ARHGEF26: variants seen among roughly 807,000 people sequenced by gnomAD.
ARHGEF26 encodes the protein Rho guanine nucleotide exchange factor 26, also known as Rho guanine nucleotide exchange factor (GEF) 26.
A neutral mutation model predicts 89.4 loss-of-function variants in ARHGEF26; 59 were observed. That is an observed-to-expected ratio of 0.66 (90% CI 0.54 to 0.82). ARHGEF26 has a LOEUF of 0.82. Ranked by LOEUF, ARHGEF26 falls within the 40% of genes least tolerant of loss-of-function variation. ARHGEF26 has a pLI of 0.00. For missense variants in ARHGEF26, 1,234 were observed against 1,085.6 expected, an observed-to-expected ratio of 1.14 and a Z score of -1.92; for synonymous variants, 500 against 428.4, an observed-to-expected ratio of 1.17 and a Z score of -2.06.
At chr3:154,233,574 T>G (rs1559916793) in intron 11 of ARHGEF26, among the ~76,000 whole-genome samples, 1 of 152,232 alleles carries the variant, frequency 6.6e-6, no homozygotes, top group African/African-American at 2.4e-5. Flanking sequence ...TCAGAGCCAT[T>G]AAATTCCTCA....
At chr3:154,246,047 A>C (rs1417849341) in intron 12 of ARHGEF26, among the ~76,000 whole-genome samples, 2 of 152,124 alleles carry the variant, frequency 1.3e-5, no homozygotes, top group Non-Finnish European at 2.9e-5. Context: ...AAAATAAAGG[A>C]TCATTTCAGG....
At chr3:154,223,953 C>T (rs1716302127) in intron 10 of ARHGEF26, among the ~76,000 whole-genome samples, 1 of 139,166 alleles carries the variant, frequency 7.2e-6, no homozygotes, top group South Asian at 2.4e-4. Context: ...CCAAGGCTAG[C>T]TTTCTAGGAT....
chr3:154,123,067 A>G lies in ARHGEF26; in HGVS notation c.1075A>G (p.Arg359Gly). The G allele has an allele frequency of 1.2e-6, 2 of 1,613,824 alleles. No individual in the cohort carries two copies. Among genetic ancestry groups the G allele is most frequent in the Non-Finnish European group, 1.7e-6 (2 of 1,179,804 alleles). Residue 359 changes from arginine (R) to glycine (G), a missense_variant, in exon 2 of 15, where the codon AGG becomes GGG. Arg to Gly is a moderately radical substitution (Grantham distance 125). Coordinates refer to ENST00000465093, the MANE Select transcript of ARHGEF26 (RefSeq NM_015595.4). ...EDKEKFSSLG[R>G]IKKKMLKGQG... Reference sequence around the variant, plus strand: ...CAAGGAGAAGTTTTCCAGTCTGGGAAGGATAAAGGTAAAAGTGGGCAGGAG... The same window carrying G: ...CAAGGAGAAGTTTTCCAGTCTGGGAGGGATAAAGGTAAAAGTGGGCAGGAG...
intron 11 of ARHGEF26, 137 bp downstream of exon 11, chr3:154,226,147 T>A: frequency 1.4e-6 from 1 of 732,940 alleles, no homozygotes; most frequent in Non-Finnish European, 2.1e-6. Context: ...CATAATTGCA[T>A]CTATGGTTCA....
intron 4 of ARHGEF26, among the ~76,000 whole-genome samples, chr3:154,148,749 T>G (rs1367818791): frequency 6.6e-6 from 1 of 152,166 alleles, no homozygotes; most frequent in Non-Finnish European, 1.5e-5. Flanking sequence ...CTCTGAAGGG[T>G]TACATTCTTC....
Position 154,254,714 on chromosome 3 carries a change from C to T in ARHGEF26, c.2369-6C>T. The T allele has an allele frequency of 1.2e-6, 2 of 1,612,984 alleles. No homozygotes were observed. The highest frequency in any genetic ancestry group is 2.7e-5 in the African/African-American group (2 of 75,014). On this transcript the variant is annotated splice_polypyrimidine_tract_variant and splice_region_variant and intron_variant, in intron 13 of 14. Transcript: ENST00000465093. The stretch of plus-strand genomic sequence containing the variant: ...GGAAACTTAGTATGTCCTCTTTTGG[C>T]CTCAGCACTGACCCAGGTGGAAATC...
intron 14 of ARHGEF26, 86 bp downstream of exon 14, chr3:154,254,910 C>G (rs1265155170): frequency 6.5e-6 from 7 of 1,074,108 alleles, no homozygotes; most frequent in Non-Finnish European, 1.4e-6. Flanking sequence ...TCATCATTGC[C>G]CATATTCCAA....
At chr3:154,152,250 C>T (rs1481097528) in intron 5 of ARHGEF26, among the ~76,000 whole-genome samples, 1 of 152,126 alleles carries the variant, frequency 6.6e-6, no homozygotes, top group Non-Finnish European at 1.5e-5. Flanking sequence ...AGAATATTTG[C>T]TGTTATTGAC....
At chr3:154,135,497 G>GT (rs1718947714) in intron 4 of ARHGEF26, among the ~76,000 whole-genome samples, 1 of 152,114 alleles carries the variant, frequency 6.6e-6, no homozygotes. Flanking sequence ...GGGATTTGAG[G>GT]TTTTGAAACC....
chr3:154,221,590 G>A (rs923668031), intron 10 of ARHGEF26, among the ~76,000 whole-genome samples: 6 of 152,050 alleles, frequency 3.9e-5, no homozygotes, highest in Non-Finnish European at 8.8e-5. Context: ...TATCAAAGAG[G>A]ATTAATTAAA....
At chr3:154,125,980 C>A (rs554656006) in intron 3 of ARHGEF26, among the ~76,000 whole-genome samples, 2 of 152,214 alleles carry the variant, frequency 1.3e-5, no homozygotes, top group East Asian at 3.9e-4. Context: ...ATCACAGGGA[C>A]CTCACTGAGC....
At chr3:154,197,098 C>G (rs1389883605) in intron 9 of ARHGEF26, among the ~76,000 whole-genome samples, 1 of 152,048 alleles carries the variant, frequency 6.6e-6, no homozygotes, top group Non-Finnish European at 1.5e-5. Context: ...CAGTGAGTTG[C>G]TTTACCTTGA....
chr3:154,124,593 A>G (rs140681121), intron 3 of ARHGEF26, 144 bp downstream of exon 3: 8,581 of 719,372 alleles, frequency 0.012, 80 homozygotes, highest in South Asian at 0.018. Context: ...AAAGCTTCTC[A>G]CTAAGCTAAA....
At chr3:154,221,150 A>AC (rs1716100754) in intron 10 of ARHGEF26, among the ~76,000 whole-genome samples, 1 of 149,570 alleles carries the variant, frequency 6.7e-6, no homozygotes. Context: ...GTAAAACAAA[A>AC]AAAAAAAACC....
At position 154,122,679 on chromosome 3, in the gene ARHGEF26, G is replaced by C; in HGVS notation, c.687G>C (p.Glu229Asp). The change falls in exon 2 of 15, where the codon GAG becomes GAC. Residue 229 changes from glutamate to aspartate, a missense_variant. Transcript: ENST00000465093. ...CCTCCCAGGAGAACGAGCTCCTCGA[G>C]AATCCTTCCGTGGTTTTGAGTACAA... Reference protein sequence around the residue: ...RLPSQENELLENPSVVLSTNS... With the variant: ...RLPSQENELLDNPSVVLSTNS... 6.2e-7 allele frequency: 1 copy of C among 1,613,880 alleles called. No homozygotes were observed. Among genetic ancestry groups the C allele is most frequent in the Admixed American group, 1.7e-5 (1 of 60,002 alleles).
chr3:154,137,974 C>A (rs1445939302), intron 4 of ARHGEF26, among the ~76,000 whole-genome samples: 1 of 152,136 alleles, frequency 6.6e-6, no homozygotes, highest in African/African-American at 2.4e-5. Context: ...CACATATATA[C>A]ATTTAAGGAA....
At chr3:154,129,775 T>TA (rs1718566787) in intron 4 of ARHGEF26, 56 bp downstream of exon 4, 2 of 1,543,414 alleles carry the variant, frequency 1.3e-6, no homozygotes. Flanking sequence ...TTTTGGAAAT[T>TA]ATGTGTGGAT....
chr3:154,229,279 A>G (rs933193744), intron 11 of ARHGEF26, among the ~76,000 whole-genome samples: 6 of 152,126 alleles, frequency 3.9e-5, no homozygotes, highest in African/African-American at 1.4e-4. Flanking sequence ...AGGCATGATC[A>G]TAGCACACTG....
intron 9 of ARHGEF26, among the ~76,000 whole-genome samples, chr3:154,200,460 T>C (rs556145313): frequency 1.3e-4 from 20 of 152,288 alleles, no homozygotes; most frequent in African/African-American, 4.8e-4. Flanking sequence ...TTGGTTATTA[T>C]CGCTCTGTAA....
Sources: gnomAD v4.1 joint callset for allele counts (sites outside exome capture counted in the v4.1 genomes callset) on GRCh38, gnomAD v4.1.1 for gene constraint, MANE v1.5 for transcripts, NCBI Gene and HGNC (gene_info 2026-07-23, HGNC 2026-07-21) for gene names.